The following GBE1 variants were observed in gnomAD, a reference collection of about 807,000 sequenced individuals.
GBE1 encodes 1,4-alpha-glucan branching enzyme 1.
In GBE1, 70 loss-of-function variants were observed where a neutral mutation model predicts 88.8. The ratio of observed to expected loss-of-function variants is 0.79; its 90% CI spans 0.65 to 0.96. GBE1 has a LOEUF of 0.96. Ranked by LOEUF, GBE1 falls within the 40% of genes least tolerant of loss-of-function variation. The pLI, the probability that GBE1 is intolerant of heterozygous loss-of-function variation, is 0.00. For missense variants in GBE1, 872 were observed against 871.0 expected, an observed-to-expected ratio of 1.00 and a Z score of -0.01; for synonymous variants, 284 against 300.1, an observed-to-expected ratio of 0.95 and a Z score of 0.56.
chr3:81,708,000 C>A (rs569323052), intron 1 of GBE1, among the ~76,000 whole-genome samples: 1 of 151,976 alleles, frequency 6.6e-6, no homozygotes, highest in Admixed American at 6.6e-5. Flanking sequence ...TCACGTATAA[C>A]AAATAACTAC....
intron 14 of GBE1, among the ~76,000 whole-genome samples, chr3:81,508,768 G>A (rs1159355658): frequency 2.6e-5 from 4 of 152,138 alleles, no homozygotes; most frequent in East Asian, 1.9e-4. Context: ...AGGGATAGGA[G>A]ACAGCATTCT....
At chr3:81,576,157 T>C (rs1028135853) in intron 12 of GBE1, among the ~76,000 whole-genome samples, 32 of 151,768 alleles carry the variant, frequency 2.1e-4, no homozygotes, top group Non-Finnish European at 4.0e-4. Context: ...GCTTAAAAAA[T>C]TGAAATTTAA....
chr3:81,714,694 G>C (rs1705917724), intron 1 of GBE1, among the ~76,000 whole-genome samples: 1 of 152,150 alleles, frequency 6.6e-6, no homozygotes, highest in Admixed American at 6.6e-5. Flanking sequence ...TGCATGTCTT[G>C]ATCAGTTTGA....
chr3:81,722,892 G>GTATATATATATA (rs201396919), intron 1 of GBE1, among the ~76,000 whole-genome samples: 37 of 102,114 alleles, frequency 3.6e-4, no homozygotes, highest in Middle Eastern at 4.7e-3. Flanking sequence ...GTGTGTGTGT[G>GTATATATATATA]TGTGTATATA....
intron 7 of GBE1, among the ~76,000 whole-genome samples, chr3:81,617,907 G>A (rs930487100): frequency 6.6e-6 from 1 of 151,774 alleles, no homozygotes; most frequent in Non-Finnish European, 1.5e-5. Flanking sequence ...ATAGTTACAG[G>A]GTAATTATAG....
At chr3:81,539,601 G>C (rs1281788479) in intron 12 of GBE1, among the ~76,000 whole-genome samples, 2 of 152,024 alleles carry the variant, frequency 1.3e-5, no homozygotes, top group African/African-American at 4.8e-5. Flanking sequence ...ATGAGATTCT[G>C]TGGAAACACA....
rs115580982 is a variant in GBE1, at chr3:81,628,009, C to T, written c.992+14772G>A. On this transcript the variant is annotated intron_variant, in intron 7 of 15. Coordinates refer to ENST00000429644, the MANE Select transcript of GBE1 (RefSeq NM_000158.4). ...TCTTATAATAGCTCCATGAGATAGG[C>T]ACCCTTTAAATTAGTATTTTAAAGA... Among the ~76,000 whole-genome samples, 795 of 152,066 alleles carry T rather than the reference C, an allele frequency of 5.2e-3. 10 individuals are homozygous for T. The highest frequency in any genetic ancestry group is 0.014 in the African/African-American group (577 of 41,478).
intron 12 of GBE1, among the ~76,000 whole-genome samples, chr3:81,545,260 C>G (rs184164249): frequency 6.6e-6 from 1 of 152,194 alleles, no homozygotes; most frequent in Admixed American, 6.5e-5. Flanking sequence ...ACTGCCCCTG[C>G]TGCCTTTGAT....
chr3:81,622,646 G>T (rs1379427585), intron 7 of GBE1, among the ~76,000 whole-genome samples: 6 of 152,128 alleles, frequency 3.9e-5, no homozygotes, highest in Admixed American at 2.6e-4. Context: ...TCTCGCACTT[G>T]TGATATCCAA....
intron 1 of GBE1, among the ~76,000 whole-genome samples, chr3:81,737,940 C>T (rs1044765534): frequency 5.3e-5 from 8 of 151,764 alleles, no homozygotes; most frequent in African/African-American, 9.7e-5. Flanking sequence ...GTGTGATGTT[C>T]CCCCTCCTGT....
chr3:81,743,799 A>G (rs1413445387), intron 1 of GBE1, among the ~76,000 whole-genome samples: 2 of 152,118 alleles, frequency 1.3e-5, no homozygotes, highest in African/African-American at 4.8e-5. Flanking sequence ...AAAAAAAGAC[A>G]TGAATAAGAA....
intron 14 of GBE1, among the ~76,000 whole-genome samples, chr3:81,524,925 T>G (rs1316395911): frequency 2.6e-5 from 4 of 151,942 alleles, no homozygotes; most frequent in Non-Finnish European, 4.4e-5. Flanking sequence ...TTTAGGATTG[T>G]TTTTCCATTT....
chr3:81,530,737 C>T (rs570033602), intron 14 of GBE1, among the ~76,000 whole-genome samples: 10 of 152,050 alleles, frequency 6.6e-5, no homozygotes, highest in Non-Finnish European at 1.2e-4. Context: ...AAGTTCATTG[C>T]CAACACCACT....
intron 12 of GBE1, among the ~76,000 whole-genome samples, chr3:81,570,824 G>C (rs1447593304): frequency 6.6e-6 from 1 of 152,084 alleles, no homozygotes; most frequent in African/African-American, 2.4e-5. Flanking sequence ...ATAAAAGAAG[G>C]TATGGGTTTC....
chr3:81,613,968 T>C (rs1182403419), intron 7 of GBE1, among the ~76,000 whole-genome samples: 2 of 151,292 alleles, frequency 1.3e-5, no homozygotes, highest in African/African-American at 2.4e-5. Context: ...AAACTACTGA[T>C]AGCATTCATA....
chr3:81,493,563 G>A (rs528305902), intron 15 of GBE1, among the ~76,000 whole-genome samples: 5 of 146,320 alleles, frequency 3.4e-5, no homozygotes, highest in African/African-American at 7.6e-5. Context: ...AAGGAGTTTC[G>A]CTCTTGTTAC....
At chr3:81,619,419 A>G (rs537742281) in intron 7 of GBE1, among the ~76,000 whole-genome samples, 12 of 152,282 alleles carry the variant, frequency 7.9e-5, no homozygotes, top group East Asian at 7.7e-4. Flanking sequence ...CATATTTCAC[A>G]TATATTAAGG....
At chr3:81,724,914 G>A (rs1706086773) in intron 1 of GBE1, among the ~76,000 whole-genome samples, 1 of 152,134 alleles carries the variant, frequency 6.6e-6, no homozygotes, top group Non-Finnish European at 1.5e-5. Flanking sequence ...TTGTCCATCT[G>A]CATCTCACTC....
At chr3:81,497,869 C>T (rs1702538500) in intron 15 of GBE1, among the ~76,000 whole-genome samples, 4 of 152,110 alleles carry the variant, frequency 2.6e-5, no homozygotes, top group Admixed American at 2.0e-4. Flanking sequence ...TATTCACTTC[C>T]AAAACTATTT....
Sources: gnomAD v4.1 joint callset for allele counts (sites outside exome capture counted in the v4.1 genomes callset) on GRCh38, gnomAD v4.1.1 for gene constraint, MANE v1.5 for transcripts, NCBI Gene and HGNC (gene_info 2026-07-23, HGNC 2026-07-21) for gene names.